Variants in NFAT5 observed in about 807,000 individuals in gnomAD.
NFAT5 encodes nuclear factor of activated T-cells 5.
In NFAT5, 31 loss-of-function variants were observed where a neutral mutation model predicts 166.5. The ratio of observed to expected loss-of-function variants is 0.19; its 90% CI spans 0.14 to 0.25. The LOEUF (loss-of-function observed/expected upper bound fraction) is 0.25, where lower values mean the gene tolerates loss of function less well. Among genes scored for constraint, NFAT5 ranks in the 10% least tolerant of loss-of-function variants. The pLI is 1.00. For missense variants in NFAT5, 1,449 were observed against 1,821.8 expected (o/e 0.80, Z 3.72); for synonymous variants, 612 against 639.7 (o/e 0.96, Z 0.65).
intron 2 of NFAT5, among the ~76,000 whole-genome samples, chr16:69,591,605 C>T (rs1334989052): frequency 6.6e-6 from 1 of 152,100 alleles, no homozygotes; most frequent in East Asian, 1.9e-4. Flanking sequence ...TGCCTTTAAA[C>T]AGTGTTTGAA....
chr16:69,678,464 C>T (rs1384765314), intron 10 of NFAT5, among the ~76,000 whole-genome samples: 1 of 152,070 alleles, frequency 6.6e-6, no homozygotes, highest in African/African-American at 2.4e-5. Flanking sequence ...CCACCTGCCT[C>T]GGCCTCCCAA....
chr16:69,647,138 C>A lies in NFAT5; in HGVS notation c.364C>A (p.Gln122Lys), dbSNP rs199754888. ...STSVTDSKAM[Q>K]VESCSSAVGV... Reference sequence around the variant, plus strand: ...CTCAGTCACCGACAGCAAGGCTATGCAAGTGGAGAGCTGCTCCTCAGCCGT... The same window carrying A: ...CTCAGTCACCGACAGCAAGGCTATGAAAGTGGAGAGCTGCTCCTCAGCCGT... The change falls in exon 4 of 15, where the codon CAA becomes AAA. Residue 122 changes from glutamine to lysine, a missense_variant. Physicochemically the swap from Gln to Lys is moderately conservative, Grantham distance 53 (BLOSUM62 1). This residue lies in a region of NFAT5 where 172 missense variants were observed against 194.5 expected (regional missense o/e 0.88). Coordinates refer to ENST00000349945, the MANE Select transcript of NFAT5 (RefSeq NM_138713.4). The surrounding 1 kb of genome is among the most constrained non-coding windows in gnomAD (Gnocchi z 4.8). 5.6e-6 allele frequency: 9 copies of A among 1,613,976 alleles called. No individual in the cohort carries two copies. Among genetic ancestry groups the A allele is most frequent in the Non-Finnish European group, 6.8e-6 (8 of 1,179,970 alleles).
chr16:69,642,349 C>A (rs1236702211), intron 3 of NFAT5, among the ~76,000 whole-genome samples: 2 of 152,090 alleles, frequency 1.3e-5, no homozygotes, highest in Non-Finnish European at 2.9e-5. Context: ...GGCAAACAGA[C>A]TTAAATACAG....
intron 2 of NFAT5, among the ~76,000 whole-genome samples, chr16:69,572,689 G>A (rs923211069): frequency 2.0e-5 from 3 of 151,914 alleles, no homozygotes; most frequent in Non-Finnish European, 4.4e-5. Flanking sequence ...GGAAAAATAA[G>A]AGTATAAACA....
intron 11 of NFAT5, among the ~76,000 whole-genome samples, chr16:69,687,431 ACT>A (rs1228138800): frequency 2.3e-5 from 3 of 131,086 alleles, no homozygotes; most frequent in African/African-American, 8.9e-5. Context: ...ATAGAGCAAG[ACT>A]CTGAAAAAAA....
In NFAT5 at chr16:69,566,500, T is replaced by C. The variant is rs2016046421; in HGVS notation, c.73+126T>C. ...CTGAGCCGCGACCCCCATGGCTTCT[T>C]TGGCCGGAGCGGGCAGAGGCCGAAG... On this transcript the variant is annotated intron_variant, in intron 1 of 14. Coordinates refer to ENST00000349945, the MANE Select transcript of NFAT5 (RefSeq NM_138713.4). The surrounding 1 kb of genome is among the most constrained non-coding windows in gnomAD (Gnocchi z 5.7). 6 of 828,726 alleles carry C rather than the reference T, an allele frequency of 7.2e-6. No homozygotes were observed. The highest frequency in any genetic ancestry group is 3.4e-4 in the Middle Eastern group (1 of 2,970). The allele number at this position is 828,726 out of a possible 1,614,324, so 51.3% of individuals were successfully genotyped here.
In NFAT5 at chr16:69,695,117, G is replaced by T. The variant is rs149776149; in HGVS notation, c.4415-19G>T. The T allele has an allele frequency of 1.3e-4, 199 of 1,585,258 alleles. No individual in the cohort carries two copies. The African/African-American group carries it at 2.3e-3, about 18-fold the overall frequency. On this transcript the variant is annotated intron_variant, in intron 13 of 14. Coordinates refer to ENST00000349945, the MANE Select transcript of NFAT5 (RefSeq NM_138713.4). ...GACTGTAGTCAGCTTTTAAGCTTCT[G>T]TTTTCAATGTCTCTGCAGACTGTAG... is the stretch of plus-strand genomic sequence containing the variant.
chr16:69,653,790 T>C (rs1329456501), intron 5 of NFAT5, among the ~76,000 whole-genome samples: 2 of 152,108 alleles, frequency 1.3e-5, no homozygotes, highest in Non-Finnish European at 2.9e-5. Context: ...GAGACTGGTC[T>C]GGAACTCCTG....
intron 2 of NFAT5, among the ~76,000 whole-genome samples, chr16:69,611,679 G>A (rs868004667): frequency 1.1e-4 from 16 of 152,210 alleles, no homozygotes; most frequent in African/African-American, 3.1e-4. Flanking sequence ...CCAAGGCAGT[G>A]TCCTTCAATC....
At chr16:69,597,383 T>C (rs2032857436) in intron 2 of NFAT5, among the ~76,000 whole-genome samples, 1 of 152,150 alleles carries the variant, frequency 6.6e-6, no homozygotes. Context: ...TATATATATA[T>C]CTCTTGCGAT....
At chr16:69,659,649 A>G (rs1478667249) in intron 6 of NFAT5, 78 bp from the exon 7 acceptor site, 2 of 1,265,646 alleles carry the variant, frequency 1.6e-6, no homozygotes, top group Non-Finnish European at 2.1e-6. Flanking sequence ...CAAAATTTTA[A>G]AAACAAACTT....
Position 69,659,770 on chromosome 16 carries a change from G to A in NFAT5, c.1240G>A (p.Glu414Lys). 2 of 1,613,816 alleles carry A rather than the reference G, an allele frequency of 1.2e-6. No homozygotes were observed. Among genetic ancestry groups the A allele is most frequent in the Non-Finnish European group, 1.7e-6 (2 of 1,179,910 alleles). The part of the protein sequence containing the change: ...GILKLRNADV[E>K]ARIGIAGSKK... The stretch of plus-strand genomic sequence containing the variant: ...ATTGAAATTGAGGAATGCTGATGTC[G>A]AAGCCAGAATAGGAATTGCTGGTTC... The change falls in exon 7 of 15, where the codon GAA (glutamate) becomes AAA (lysine). Residue 414 changes from glutamate (E) to lysine (K), a missense_variant. This residue lies in a region of NFAT5 where 245 missense variants were observed against 366.6 expected (regional missense o/e 0.67). Transcript: ENST00000349945.
At chr16:69,602,493 C>T (rs1264058664) in intron 2 of NFAT5, among the ~76,000 whole-genome samples, 1 of 151,886 alleles carries the variant, frequency 6.6e-6, no homozygotes. Context: ...GTCTTGAACT[C>T]CTGACCTCAG....
intron 4 of NFAT5, chr16:69,648,594 C>T (rs942673957): frequency 1.0e-6 from 1 of 983,836 alleles, no homozygotes; most frequent in Non-Finnish European, 1.2e-6. Flanking sequence ...AGCTATGTTA[C>T]AGAATATTCA....
chr16:69,576,819 T>C (rs1284400417), intron 2 of NFAT5, among the ~76,000 whole-genome samples: 1 of 152,158 alleles, frequency 6.6e-6, no homozygotes, highest in African/African-American at 2.4e-5. Flanking sequence ...CTCTCCTGGC[T>C]GATGATGGGA....
chr16:69,588,031 C>CA (rs2032206789), intron 2 of NFAT5, among the ~76,000 whole-genome samples: 1 of 137,792 alleles, frequency 7.3e-6, no homozygotes, highest in Non-Finnish European at 1.5e-5. Flanking sequence ...CGGCTTACTG[C>CA]AACCTCTGCC....
intron 7 of NFAT5, among the ~76,000 whole-genome samples, chr16:69,667,508 AAAG>A (rs1052876141): frequency 7.2e-5 from 11 of 151,796 alleles, no homozygotes; most frequent in African/African-American, 9.7e-5. Flanking sequence ...AAAAAAAAAA[AAAG>A]AAAGTAACCG....
intron 3 of NFAT5, among the ~76,000 whole-genome samples, chr16:69,642,978 G>A (rs1156710316): frequency 2.6e-5 from 4 of 152,034 alleles, no homozygotes; most frequent in Non-Finnish European, 5.9e-5. Context: ...AGCACGTCAG[G>A]AGGCCGAGGT....
chr16:69,614,086 A>G (rs140859738), intron 2 of NFAT5, among the ~76,000 whole-genome samples: 379 of 152,128 alleles, frequency 2.5e-3, no homozygotes, highest in Non-Finnish European at 4.4e-3. Flanking sequence ...CAGAAAGTGT[A>G]GCAAAAGTGA....
Sources: allele counts gnomAD v4.1 joint callset (sites outside exome capture counted in the v4.1 genomes callset), GRCh38; gene constraint gnomAD v4.1.1; regional missense constraint gnomAD v4.1.1; non-coding constraint Gnocchi (gnomAD v3.1); transcripts MANE v1.5; gene names NCBI Gene and HGNC (gene_info 2026-07-23, HGNC 2026-07-21).